Variants in TMEM44 observed in about 807,000 individuals in gnomAD.
TMEM44 encodes the protein transmembrane protein 44.
A neutral mutation model predicts 47.8 loss-of-function variants in TMEM44; 43 were observed. That is an observed-to-expected ratio of 0.90 (90% CI 0.70 to 1.16). The LOEUF (loss-of-function observed/expected upper bound fraction) is 1.16. Among genes scored for constraint, TMEM44 ranks in the 50% most tolerant of loss-of-function variants. TMEM44 has a pLI of 0.00. For missense variants in TMEM44, 568 were observed against 555.2 expected (o/e 1.02, Z -0.23); for synonymous variants, 277 against 238.8 (o/e 1.16, Z -1.48).
At chr3:194,610,325 C>T (rs1423786904) in intron 8 of TMEM44, among the ~76,000 whole-genome samples, 1 of 152,162 alleles carries the variant, frequency 6.6e-6, no homozygotes, top group Non-Finnish European at 1.5e-5. Context: ...GCATATACCA[C>T]CCCGAAATAT....
At chr3:194,590,031 G>C (rs1712437757) in intron 9 of TMEM44, 1 of 152,212 alleles carries the variant, frequency 6.6e-6, no homozygotes, top group Admixed American at 6.5e-5. Flanking sequence ...CGATCTATTT[G>C]GACAAGATAA....
chr3:194,614,161 A>G (rs1560181406), intron 7 of TMEM44, among the ~76,000 whole-genome samples: 1 of 152,084 alleles, frequency 6.6e-6, no homozygotes, highest in Non-Finnish European at 1.5e-5. Context: ...AAAAAACCAA[A>G]AAAACCACAA....
Position 194,615,664 on chromosome 3 carries a change from T to C in TMEM44, c.817A>G (p.Met273Val). ...IFLSCVMKSK[M>V]RQALGFAKEA... ...TTGGCAAATCCTAAGGCCTGTCTCATCTTGCTCTTCATCACACACGAAAGG... is the reference window on the plus strand; with the variant it reads ...TTGGCAAATCCTAAGGCCTGTCTCACCTTGCTCTTCATCACACACGAAAGG... Residue 273 changes from methionine (M) to valine (V), a missense_variant, in exon 7 of 10, where the codon ATG becomes GTG. By Grantham distance (21) the Met-to-Val change is conservative (BLOSUM62 1). Coordinates refer to ENST00000347147, the MANE Select transcript of TMEM44 (RefSeq NM_001011655.3). The C allele has an allele frequency of 1.2e-6, 2 of 1,614,088 alleles. No individual in the cohort carries two copies. The highest frequency in any genetic ancestry group is 1.7e-6 in the Non-Finnish European group (2 of 1,179,976).
chr3:194,591,356 T>C (rs806073), intron 9 of TMEM44, among the ~76,000 whole-genome samples: 90,798 of 151,670 alleles, frequency 0.6, 28,316 homozygotes, highest in East Asian at 0.72. Context: ...TAGCCAGGCA[T>C]GGTGACAGGC....
At chr3:194,624,773 A>C (rs893932310) in intron 3 of TMEM44, among the ~76,000 whole-genome samples, 1 of 149,536 alleles carries the variant, frequency 6.7e-6, no homozygotes, top group Admixed American at 6.7e-5. Context: ...CCCACGTTGG[A>C]GTGCAGTTGT....
intron 2 of TMEM44, among the ~76,000 whole-genome samples, chr3:194,627,413 TA>T (rs1717293947): frequency 6.8e-6 from 1 of 146,052 alleles, no homozygotes; most frequent in African/African-American, 2.5e-5. Flanking sequence ...TTCCTGGGGA[TA>T]TGTGTTTTGG....
At chr3:194,604,180 T>A in intron 9 of TMEM44, 107 bp downstream of exon 9, 2 of 1,384,498 alleles carry the variant, frequency 1.4e-6, no homozygotes, top group South Asian at 1.4e-5. Flanking sequence ...AGGTATGAGG[T>A]TAACGTGGAT....
Position 194,588,455 on chromosome 3 carries a change from G to T in TMEM44, c.*74C>A. ...CAGTTCCTGCCGCGGTGTCAGTGCA[G>T]ATTGATTCCCGCTGCGTTACTGAAC... On this transcript the variant is annotated 3_prime_UTR_variant, in exon 10 of 10. Transcript: ENST00000347147. 1 of 1,366,872 alleles carries T rather than the reference G, an allele frequency of 7.3e-7. No homozygotes were observed. The highest frequency in any genetic ancestry group is 1.0e-6 in the Non-Finnish European group (1 of 965,656). The allele number at this position is 1,366,872 out of a possible 1,614,324, so 84.7% of individuals were successfully genotyped here. A position where few individuals can be genotyped will look rare whatever the true frequency, so the allele number is the denominator to read the frequency against.
intron 9 of TMEM44, among the ~76,000 whole-genome samples, chr3:194,596,055 A>G (rs762821679): frequency 6.6e-6 from 1 of 152,090 alleles, no homozygotes; most frequent in Non-Finnish European, 1.5e-5. Context: ...AAACGCAGAG[A>G]AGAGAAAGCT....
At chr3:194,603,583 A>T (rs2109169236) in intron 9 of TMEM44, among the ~76,000 whole-genome samples, 1 of 152,242 alleles carries the variant, frequency 6.6e-6, no homozygotes, top group African/African-American at 2.4e-5. Context: ...TTTTTAGTAG[A>T]GACAGGGTTT....
Position 194,588,421 on chromosome 3 carries a change from G to T in TMEM44, c.*108C>A. ...ACGGCTCCTGGTTCCTCACTTGCCAGGGCAGCTTCAGTTCCTGCCGCGGTG... is the reference window on the plus strand; with the variant it reads ...ACGGCTCCTGGTTCCTCACTTGCCATGGCAGCTTCAGTTCCTGCCGCGGTG... On this transcript the variant is annotated 3_prime_UTR_variant, in exon 10 of 10. Coordinates refer to ENST00000347147, the MANE Select transcript of TMEM44 (RefSeq NM_001011655.3). 2.1e-6 allele frequency: 2 copies of T among 938,222 alleles called. No individual in the cohort carries two copies. The highest frequency in any genetic ancestry group is 1.5e-5 in the South Asian group (1 of 65,602). The allele number at this position is 938,222 out of a possible 1,614,324, so 58.1% of individuals were successfully genotyped here.
chr3:194,611,355 T>C lies in TMEM44; in HGVS notation c.913-335A>G, dbSNP rs560032011. ...GTGATCCACGAGTGATCCTCCCACC[T>C]CGGCCTCCCAAAGTGCTGGGATGAC... On this transcript the variant is annotated intron_variant, in intron 7 of 9. Transcript: ENST00000347147. This position sits in a 1 kb window ranked among gnomAD's most constrained non-coding sequence, Gnocchi z 4.2. 6.6e-6 allele frequency among the ~76,000 whole-genome samples: 1 copy of C among 152,246 alleles called. No individual in the cohort carries two copies. Among genetic ancestry groups the C allele is most frequent in the South Asian group, 2.1e-4 (1 of 4,812 alleles).
intron 9 of TMEM44, among the ~76,000 whole-genome samples, chr3:194,590,782 A>G (rs1295913720): frequency 6.6e-6 from 1 of 152,144 alleles, no homozygotes; most frequent in Non-Finnish European, 1.5e-5. Context: ...AGATGCCCTG[A>G]TGATTGAGAA....
chr3:194,615,658 G>T lies in TMEM44; in HGVS notation c.823C>A (p.Gln275Lys). 1 of 1,614,114 alleles carries T rather than the reference G, an allele frequency of 6.2e-7. No individual in the cohort carries two copies. Among genetic ancestry groups the T allele is most frequent in the Non-Finnish European group, 8.5e-7 (1 of 1,179,988 alleles). ...LSCVMKSKMR[Q>K]ALGFAKEARE... The stretch of plus-strand genomic sequence containing the variant: ...GCTTCCTTGGCAAATCCTAAGGCCT[G>T]TCTCATCTTGCTCTTCATCACACAC... The change falls in exon 7 of 10, where the codon CAG (glutamine) becomes AAG (lysine). Residue 275 changes from glutamine (Q) to lysine (K), a missense_variant. Coordinates refer to ENST00000347147, the MANE Select transcript of TMEM44 (RefSeq NM_001011655.3).
intron 8 of TMEM44, among the ~76,000 whole-genome samples, chr3:194,609,954 C>T (rs1222877729): frequency 2.0e-5 from 3 of 152,262 alleles, no homozygotes; most frequent in Non-Finnish European, 2.9e-5. Context: ...CACGGCCGGA[C>T]GCAGTGGCTC....
chr3:194,599,469 G>A (rs1356604460), intron 9 of TMEM44, among the ~76,000 whole-genome samples: 2 of 152,174 alleles, frequency 1.3e-5, no homozygotes, highest in Admixed American at 6.5e-5. Flanking sequence ...ATGTCAGGCC[G>A]GCCCAACCTC....
At chr3:194,598,035 T>C (rs1577158744) in intron 9 of TMEM44, among the ~76,000 whole-genome samples, 1 of 152,114 alleles carries the variant, frequency 6.6e-6, no homozygotes, top group South Asian at 2.1e-4. Flanking sequence ...ATTGAATGGG[T>C]GGGCTAGTAA....
At chr3:194,600,666 G>T (rs889241944) in intron 9 of TMEM44, among the ~76,000 whole-genome samples, 1 of 152,044 alleles carries the variant, frequency 6.6e-6, no homozygotes, top group Non-Finnish European at 1.5e-5. Flanking sequence ...CAGGGGAATC[G>T]CTTGAACCTG....
intron 8 of TMEM44, among the ~76,000 whole-genome samples, chr3:194,610,570 C>T (rs1409931421): frequency 3.9e-5 from 6 of 152,134 alleles, no homozygotes; most frequent in Non-Finnish European, 1.5e-5. Context: ...CCTCACCTTG[C>T]CTCCCACCCC....
Sources: gnomAD v4.1 joint callset for allele counts (sites outside exome capture counted in the v4.1 genomes callset) on GRCh38, gnomAD v4.1.1 for gene constraint, Gnocchi (gnomAD v3.1) non-coding constraint, MANE v1.5 for transcripts, NCBI Gene and HGNC (gene_info 2026-07-23, HGNC 2026-07-21) for gene names.